The following FRAS1 variants were observed in gnomAD, a reference collection of about 807,000 sequenced individuals.
The protein encoded by FRAS1 is extracellular matrix organizing protein FRAS1.
A neutral mutation model predicts 435.2 loss-of-function variants in FRAS1; 290 were observed. That is an observed-to-expected ratio of 0.67 (90% CI 0.61 to 0.73). The LOEUF is 0.73. Ranked by LOEUF, FRAS1 falls within the 30% of genes least tolerant of loss-of-function variation. The pLI, the probability that FRAS1 is intolerant of heterozygous loss-of-function variation, is 0.00. For synonymous variants in FRAS1, 1,800 were observed against 1,851.0 expected, an observed-to-expected ratio of 0.97 and a Z score of 0.71; for missense variants, 4,860 against 5,001.5, an observed-to-expected ratio of 0.97 and a Z score of 0.85.
At position 78,277,840 on chromosome 4, in the gene FRAS1, G is replaced by A. The variant is rs1366500479; in HGVS notation, c.982-815G>A. 4.0e-5 allele frequency among the ~76,000 whole-genome samples: 6 copies of A among 151,304 alleles called. No individual in the cohort carries two copies. In the South Asian group the frequency reaches 1.0e-3, roughly 26 times the overall value. Reference sequence around the variant, plus strand: ...ATAATTTTTTTTTTTTTGAGACGGAGTCTCACTGTCACCCAGGCTGGAGTG... The same window carrying A: ...ATAATTTTTTTTTTTTTGAGACGGAATCTCACTGTCACCCAGGCTGGAGTG... On this transcript the variant is annotated intron_variant, in intron 9 of 73. Coordinates refer to ENST00000512123, the MANE Select transcript of FRAS1 (RefSeq NM_025074.7).
chr4:78,214,918 G>A (rs2110088958), intron 2 of FRAS1, among the ~76,000 whole-genome samples: 1 of 152,288 alleles, frequency 6.6e-6, no homozygotes. Context: ...CAGTTGTTAT[G>A]ATCTAGGACC....
rs1719050398 is a variant in FRAS1, at chr4:78,452,311, C to T, written c.6720C>T (p.Thr2240=). ...SGPTELIYRI[T]RQPQLGHLEH... ...CTACAGAATTGATCTACAGAATCAC[C>T]AGACAGCCCCAGCTGGGCCACTTGG... Residue 2240 remains threonine, a synonymous_variant, in exon 47 of 74, where the codon ACC becomes ACT. Coordinates refer to ENST00000512123, the MANE Select transcript of FRAS1 (RefSeq NM_025074.7). The T allele has an allele frequency of 6.2e-7, 1 of 1,611,786 alleles. No homozygotes were observed. Among genetic ancestry groups the T allele is most frequent in the African/African-American group, 1.3e-5 (1 of 74,884 alleles).
chr4:78,066,251 A>C (rs1258997155), intron 2 of FRAS1, among the ~76,000 whole-genome samples: 1 of 152,194 alleles, frequency 6.6e-6, no homozygotes, highest in Non-Finnish European at 1.5e-5. Flanking sequence ...CACTCAACAC[A>C]CGATTTACAT....
chr4:78,367,720 G>A (rs1731332681), intron 22 of FRAS1, among the ~76,000 whole-genome samples: 1 of 151,882 alleles, frequency 6.6e-6, no homozygotes, highest in African/African-American at 2.4e-5. Context: ...GAACATAAAT[G>A]CGGGACTTTT....
chr4:78,483,968 A>G (rs1720095380), intron 58 of FRAS1, among the ~76,000 whole-genome samples: 1 of 151,766 alleles, frequency 6.6e-6, no homozygotes, highest in African/African-American at 2.4e-5. Flanking sequence ...TGACAAATGT[A>G]TACAGTGATA....
chr4:78,440,186 G>A (rs12507613), intron 40 of FRAS1, among the ~76,000 whole-genome samples: 18,542 of 150,974 alleles, frequency 0.12, 1,326 homozygotes, highest in East Asian at 0.22. Flanking sequence ...GCCCGCCACC[G>A]CGCCCGGCTA....
At chr4:78,120,991 AG>A (rs1184715485) in intron 2 of FRAS1, among the ~76,000 whole-genome samples, 1 of 152,194 alleles carries the variant, frequency 6.6e-6, no homozygotes, top group Non-Finnish European at 1.5e-5. Flanking sequence ...GAAGAGATCA[AG>A]GCAGAGAGCC....
intron 70 of FRAS1, among the ~76,000 whole-genome samples, chr4:78,533,685 T>C (rs1443552949): frequency 6.6e-6 from 1 of 152,174 alleles, no homozygotes; most frequent in African/African-American, 2.4e-5. Context: ...TTCACTGAGA[T>C]AATAACACTA....
intron 29 of FRAS1, among the ~76,000 whole-genome samples, chr4:78,390,217 A>G (rs1027852639): frequency 6.6e-6 from 1 of 152,170 alleles, no homozygotes; most frequent in Non-Finnish European, 1.5e-5. Flanking sequence ...AGTAGAGGCT[A>G]TGGGACCTTA....
intron 14 of FRAS1, among the ~76,000 whole-genome samples, chr4:78,291,997 T>C (rs1013390522): frequency 4.6e-5 from 7 of 152,228 alleles, no homozygotes; most frequent in African/African-American, 1.7e-4. Context: ...ATGGGGACGA[T>C]ATTATCTACT....
At chr4:78,411,109 T>C (rs565311358) in intron 31 of FRAS1, among the ~76,000 whole-genome samples, 1 of 64,372 alleles carries the variant, frequency 1.6e-5, no homozygotes, top group East Asian at 3.8e-4. Flanking sequence ...GTTGCATGGA[T>C]TTTTTTTCTT....
At chr4:78,378,829 C>CACTTT (rs1487354500) in intron 26 of FRAS1, among the ~76,000 whole-genome samples, 25 of 152,056 alleles carry the variant, frequency 1.6e-4, no homozygotes, top group Admixed American at 1.6e-3. Context: ...GTTGTCTTTT[C>CACTTT]ACTTTCTCAT....
In FRAS1 at chr4:78,482,406, T is replaced by C; in HGVS notation, c.8623T>C (p.Leu2875=). The C allele has an allele frequency of 6.2e-7, 1 of 1,613,900 alleles. No individual in the cohort carries two copies. Among genetic ancestry groups the C allele is most frequent in the Non-Finnish European group, 8.5e-7 (1 of 1,179,816 alleles). Residue 2875 remains leucine, a synonymous_variant, in exon 58 of 74, where the codon TTG becomes CTG. Transcript: ENST00000512123. ...VIEQYCTLTI[L]DDTQYPVIEG... ...CTTCTAGTATTGCACCTTGACTATC[T>C]TGGATGACACTCAGTATCCGGTAAT...
chr4:78,524,888 A>T (rs1381036604), intron 69 of FRAS1, among the ~76,000 whole-genome samples: 2 of 152,148 alleles, frequency 1.3e-5, no homozygotes, highest in Non-Finnish European at 2.9e-5. Flanking sequence ...GAGACATTAT[A>T]ATTTTAATTA....
In FRAS1 at chr4:78,452,206, T is replaced by G. The variant is rs1578333216; in HGVS notation, c.6615T>G (p.Asn2205Lys). 2 of 1,613,706 alleles carry G rather than the reference T, an allele frequency of 1.2e-6. No homozygotes were observed. Among genetic ancestry groups the G allele is most frequent in the Non-Finnish European group, 1.7e-6 (2 of 1,179,706 alleles). The change falls in exon 47 of 74, where the codon AAT becomes AAG. Residue 2205 changes from asparagine to lysine, a missense_variant. Coordinates refer to ENST00000512123, the MANE Select transcript of FRAS1 (RefSeq NM_025074.7). ...EDKSPPVITT[N>K]KGLVLDENSV... Reference sequence around the variant, plus strand: ...AATCCCCACCAGTCATCACCACCAATAAAGGACTGGTCTTGGATGAAAACT... The same window carrying G: ...AATCCCCACCAGTCATCACCACCAAGAAAGGACTGGTCTTGGATGAAAACT...
At chr4:78,125,898 C>A (rs1719319821) in intron 2 of FRAS1, among the ~76,000 whole-genome samples, 1 of 152,182 alleles carries the variant, frequency 6.6e-6, no homozygotes, top group Non-Finnish European at 1.5e-5. Flanking sequence ...CTGGGAGAAC[C>A]ACTGCCGTCT....
chr4:78,450,230 G>A lies in FRAS1; in HGVS notation c.6354G>A (p.Met2118Ile), dbSNP rs756680086. 16 of 1,613,668 alleles carry A rather than the reference G, an allele frequency of 9.9e-6. No homozygotes were observed. The highest frequency in any genetic ancestry group is 1.2e-5 in the Non-Finnish European group (14 of 1,179,766). The change falls in exon 45 of 74, where the codon ATG (methionine) becomes ATA (isoleucine). Residue 2118 changes from methionine to isoleucine, a missense_variant. Physicochemically the swap from Met to Ile is conservative, Grantham distance 10. Coordinates refer to ENST00000512123, the MANE Select transcript of FRAS1 (RefSeq NM_025074.7). Reference protein sequence around the residue: ...DSDDHQVMYIMKEDPGAGRLQ... With the variant: ...DSDDHQVMYIIKEDPGAGRLQ... ...ATGACCATCAGGTTATGTACATCAT[G>A]AAGGAAGATCCTGGTGCAGGGCGCC... is the stretch of plus-strand genomic sequence containing the variant.
chr4:78,307,444 C>T (rs1262792236), intron 14 of FRAS1, among the ~76,000 whole-genome samples: 2 of 152,312 alleles, frequency 1.3e-5, no homozygotes, highest in East Asian at 1.9e-4. Context: ...TGGGCAATGG[C>T]GGGCGCCCCT....
chr4:78,406,641 G>A (rs1474893520), intron 30 of FRAS1, among the ~76,000 whole-genome samples: 1 of 151,762 alleles, frequency 6.6e-6, no homozygotes, highest in Non-Finnish European at 1.5e-5. Flanking sequence ...TTGAGATTTG[G>A]GTAGGGACAC....
Sources: allele counts gnomAD v4.1 joint callset (sites outside exome capture counted in the v4.1 genomes callset), GRCh38; gene constraint gnomAD v4.1.1; transcripts MANE v1.5; gene names NCBI Gene and HGNC (gene_info 2026-07-23, HGNC 2026-07-21).